The following BLOC1S3 variants were observed in gnomAD, a reference collection of about 807,000 sequenced individuals.
BLOC1S3 encodes the protein biogenesis of lysosomal organelles complex 1 subunit 3.
In BLOC1S3, 7 loss-of-function variants were observed where a neutral mutation model predicts 9.1. The ratio of observed to expected loss-of-function variants is 0.77; its 90% confidence interval spans 0.44 to 1.45. The LOEUF (loss-of-function observed/expected upper bound fraction) is 1.45, where lower values mean the gene tolerates loss of function less well. Ranked by LOEUF, BLOC1S3 falls within the 40% of genes most tolerant of loss-of-function variation. BLOC1S3 has a pLI of 0.01. For missense variants in BLOC1S3, 307 were observed against 315.2 expected (o/e 0.97, Z 0.20); for synonymous variants, 145 against 158.4 (o/e 0.92, Z 0.64).
chr19:45,183,292 C>T (rs537565324), downstream of BLOC1S3, among the ~76,000 whole-genome samples: 1 of 152,092 alleles, frequency 6.6e-6, no homozygotes, highest in Non-Finnish European at 1.5e-5. Flanking sequence ...CCAGCCTGGC[C>T]AACGTGGTGA....
At chr19:45,178,876 C>G in intron 1 of BLOC1S3, 45 bp downstream of exon 1, 1 of 172,250 alleles carries the variant, frequency 5.8e-6, no homozygotes, top group Non-Finnish European at 1.2e-5. Context: ...ATGAGTGCCC[C>G]CAGCAGAGTC....
intron 3 of BLOC1S3, among the ~76,000 whole-genome samples, chr19:45,208,020 G>A (rs1423916535): frequency 1.3e-5 from 2 of 151,524 alleles, no homozygotes; most frequent in African/African-American, 4.8e-5. Context: ...TGTCACCCAG[G>A]CTGGAGTGCA....
rs573804617 is a variant in BLOC1S3 at position 45,208,471 on chromosome 19, G to A, written n.282+5964G>A. 1.6e-4 allele frequency among the ~76,000 whole-genome samples: 25 copies of A among 151,608 alleles called. No homozygotes were observed. The East Asian group carries it at 4.7e-3, about 29-fold the overall frequency. ...AAAATACAAAAATTAGCTGGGCGTG[G>A]TGTCGGGCGTGGTGGCTCACGCCTG... On this transcript the variant is annotated intron_variant and non_coding_transcript_variant, in intron 3 of 3. Transcript: ENST00000591569.
Position 45,209,546 on chromosome 19 carries a change from C to T in BLOC1S3, n.282+7039C>T, listed in dbSNP as rs186590636. On this transcript the variant is annotated intron_variant and non_coding_transcript_variant, in intron 3 of 3. Transcript: ENST00000591569. Reference sequence around the variant, plus strand: ...ACTCCATTCTCCTGCCTCAGCCTCCCGAGTAGCTGGGACTACAGGCGCCTG... The same window carrying T: ...ACTCCATTCTCCTGCCTCAGCCTCCTGAGTAGCTGGGACTACAGGCGCCTG... Among the ~76,000 whole-genome samples, 68 of 152,134 alleles carry T rather than the reference C, an allele frequency of 4.5e-4. No individual in the cohort carries two copies. In the East Asian group the frequency reaches 0.012, roughly 28 times the overall value.
chr19:45,187,692 C>G (rs12463049), exon 2 of BLOC1S3: 19,931 of 152,166 alleles, frequency 0.13, 1,631 homozygotes, highest in East Asian at 0.29. Flanking sequence ...GCACCTCTTC[C>G]TCCAACTCTT....
upstream of BLOC1S3, among the ~76,000 whole-genome samples, chr19:45,187,151 GGGGTCA>G (rs935433798): frequency 3.3e-5 from 5 of 152,094 alleles, no homozygotes; most frequent in Admixed American, 6.6e-5. Context: ...GACTGGGGCA[GGGGTCA>G]GGGTCAGGGT....
At position 45,180,221 on chromosome 19, in the gene BLOC1S3, C is replaced by CT. The variant is rs1969498850; in HGVS notation, c.*317dup. The CT allele has an allele frequency of 3.5e-6, 1 of 287,244 alleles. No individual in the cohort carries two copies. Among genetic ancestry groups the CT allele is most frequent in the East Asian group, 5.7e-5 (1 of 17,418 alleles). The allele number at this position is 287,244 out of a possible 1,614,324, so 17.8% of individuals were successfully genotyped here. A position where few individuals can be genotyped will look rare whatever the true frequency, so the allele number is the denominator to read the frequency against. The stretch of plus-strand genomic sequence containing the variant: ...AGTTGCTCCTTAATCTGTTTCCACC[C>CT]TGGGGGCTCACCAATTTTTTTTTTT... On this transcript the variant is annotated 3_prime_UTR_variant, in exon 2 of 2. Coordinates refer to ENST00000433642, the MANE Select transcript of BLOC1S3 (RefSeq NM_212550.5).
rs1969463660 is a variant in BLOC1S3 at position 45,179,087 on chromosome 19, C to G, written c.-9-201C>G. Reference sequence around the variant, plus strand: ...TTGTTCGAGCTGGTCTTCAGTTTCCCCATCTGTACGCTGAAGAGCCTGGGG... The same window carrying G: ...TTGTTCGAGCTGGTCTTCAGTTTCCGCATCTGTACGCTGAAGAGCCTGGGG... On this transcript the variant is annotated intron_variant, in intron 1 of 1. Coordinates refer to ENST00000433642, the MANE Select transcript of BLOC1S3 (RefSeq NM_212550.5). The surrounding 1 kb of genome is among the most constrained non-coding windows in gnomAD (Gnocchi z 4.6). 1 of 499,184 alleles carries G rather than the reference C, an allele frequency of 2.0e-6. No homozygotes were observed. The highest frequency in any genetic ancestry group is 3.3e-6 in the Non-Finnish European group (1 of 304,024). The allele number at this position is 499,184 out of a possible 1,614,324, so 30.9% of individuals were successfully genotyped here.
chr19:45,201,693 A>G (rs1346439996), intron 2 of BLOC1S3, among the ~76,000 whole-genome samples: 5 of 152,180 alleles, frequency 3.3e-5, no homozygotes, highest in African/African-American at 1.2e-4. Context: ...GCCACAAGAA[A>G]AAGTCTTTCC....
intron 3 of BLOC1S3, among the ~76,000 whole-genome samples, chr19:45,206,647 G>C (rs1273308926): frequency 6.8e-6 from 1 of 146,300 alleles, no homozygotes; most frequent in Non-Finnish European, 1.5e-5. Context: ...TTTTAATAGA[G>C]ATGGTGTCTC....
At chr19:45,183,134 G>T (rs184876619), downstream of BLOC1S3, among the ~76,000 whole-genome samples, 1 of 151,986 alleles carries the variant, frequency 6.6e-6, no homozygotes, top group Non-Finnish European at 1.5e-5. Flanking sequence ...GTGGGGCAGG[G>T]GGGTGCTGAG....
chr19:45,179,170 G>T lies in BLOC1S3; in HGVS notation c.-9-118G>T. The T allele has an allele frequency of 8.4e-7, 1 of 1,186,006 alleles. No homozygotes were observed. The highest frequency in any genetic ancestry group is 1.1e-6 in the Non-Finnish European group (1 of 900,248). 73.5% of individuals were successfully genotyped at this position (1,186,006 alleles called of 1,614,324 possible). On this transcript the variant is annotated intron_variant, in intron 1 of 1. Transcript: ENST00000433642. This position sits in a 1 kb window ranked among gnomAD's most constrained non-coding sequence, Gnocchi z 4.6. Reference sequence around the variant, plus strand: ...AAGAGGAAACTGAGGCCCAGACGGGGAGCAGCTGACACCAAGTCGTTAAGA... The same window carrying T: ...AAGAGGAAACTGAGGCCCAGACGGGTAGCAGCTGACACCAAGTCGTTAAGA...
In BLOC1S3 at chr19:45,179,424, C is replaced by T. The variant is rs1427639197; in HGVS notation, c.128C>T (p.Pro43Leu). The T allele has an allele frequency of 1.9e-6, 3 of 1,540,470 alleles. No individual in the cohort carries two copies. Among genetic ancestry groups the T allele is most frequent in the East Asian group, 4.9e-5 (2 of 41,084 alleles). ...SSEEEELYLG[P>L]SGPTRGRPTG... ...GAGGAGGAGGAGCTGTACCTGGGTC[C>T]TTCGGGCCCGACGCGCGGCCGCCCC... is the stretch of plus-strand genomic sequence containing the variant. Residue 43 changes from proline to leucine, a missense_variant, in exon 2 of 2, where the codon CCT becomes CTT. Physicochemically the swap from Pro to Leu is moderately conservative, Grantham distance 98. Transcript: ENST00000433642. This position sits in a 1 kb window ranked among gnomAD's most constrained non-coding sequence, Gnocchi z 4.6.
At chr19:45,210,164 A>G (rs530030228) in intron 3 of BLOC1S3, among the ~76,000 whole-genome samples, 1 of 152,296 alleles carries the variant, frequency 6.6e-6, no homozygotes, top group East Asian at 1.9e-4. Context: ...AGACAGAGAG[A>G]TTAGTGTCTG....
At chr19:45,214,470 G>A (rs1969812910) in intron 3 of BLOC1S3, among the ~76,000 whole-genome samples, 2 of 151,954 alleles carry the variant, frequency 1.3e-5, no homozygotes. Context: ...TTGTTTGTTT[G>A]TTTGTTTGTT....
Position 45,194,638 on chromosome 19 carries a change from A to G in BLOC1S3, n.180+6898A>G, listed in dbSNP as rs149809501. 3.8e-3 allele frequency among the ~76,000 whole-genome samples: 578 copies of G among 152,290 alleles called. 6 individuals carry two copies. Among genetic ancestry groups the G allele is most frequent in the South Asian group, 0.025 (121 of 4,832 alleles). On this transcript the variant is annotated intron_variant and non_coding_transcript_variant, in intron 2 of 3. Coordinates refer to the BLOC1S3 transcript ENST00000591569. ...CATACAACAGACATTATAGCAATGA[A>G]CACGAATGACCTTCTGCTGTACACA...
intron 3 of BLOC1S3, among the ~76,000 whole-genome samples, chr19:45,203,298 T>G (rs963747196): frequency 1.3e-5 from 2 of 151,880 alleles, no homozygotes; most frequent in Non-Finnish European, 2.9e-5. Flanking sequence ...TTATTTGAGA[T>G]GGAGTCTTGC....
intron 3 of BLOC1S3, among the ~76,000 whole-genome samples, chr19:45,211,253 T>C (rs973880646): frequency 6.6e-6 from 1 of 152,140 alleles, no homozygotes; most frequent in African/African-American, 2.4e-5. Context: ...TCCCAGCACT[T>C]TGGGAGGCTG....
At chr19:45,186,726 G>C (rs568332527), downstream of BLOC1S3, among the ~76,000 whole-genome samples, 9 of 152,086 alleles carry the variant, frequency 5.9e-5, no homozygotes, top group East Asian at 1.7e-3. Flanking sequence ...CAAAAAAAAA[G>C]TGCTAGGGTT....
Sources: gnomAD v4.1 joint callset for allele counts (sites outside exome capture counted in the v4.1 genomes callset) on GRCh38, gnomAD v4.1.1 for gene constraint, Gnocchi (gnomAD v3.1) non-coding constraint, MANE v1.5 for transcripts, NCBI Gene and HGNC (gene_info 2026-07-23, HGNC 2026-07-21) for gene names.